Variants in JAKMIP3 observed in about 807,000 individuals in gnomAD.
JAKMIP3 encodes the protein janus kinase and microtubule-interacting protein 3.
A neutral mutation model predicts 118.5 loss-of-function variants in JAKMIP3; 58 were observed. That is an observed-to-expected ratio of 0.49 (90% CI 0.40 to 0.61). The LOEUF is 0.61. Ranked by LOEUF, JAKMIP3 falls within the 20% of genes least tolerant of loss-of-function variation. The pLI is 0.00. For synonymous variants in JAKMIP3, 486 were observed against 451.2 expected (o/e 1.08, Z -0.98); for missense variants, 950 against 1,109.0 (o/e 0.86, Z 2.04).
chr10:132,153,632 G>T lies in JAKMIP3; in HGVS notation c.2074-127G>T, dbSNP rs374502572. On this transcript the variant is annotated intron_variant, in intron 17 of 23. Coordinates refer to ENST00000684848, the MANE Select transcript of JAKMIP3 (RefSeq NM_001323087.2). Reference sequence around the variant, plus strand: ...GCCTCAACTCCCTGGAGAGGGCTGTGCTCTCCCCTCCCTAAGGAGAAGAGG... The same window carrying T: ...GCCTCAACTCCCTGGAGAGGGCTGTTCTCTCCCCTCCCTAAGGAGAAGAGG... 86 of 893,540 alleles carry T rather than the reference G, an allele frequency of 9.6e-5. No individual in the cohort carries two copies. In the East Asian group the frequency reaches 1.2e-3, roughly 13 times the overall value. 55.4% of individuals were successfully genotyped at this position (893,540 alleles called of 1,614,324 possible). A position where few individuals can be genotyped will look rare whatever the true frequency, so the allele number is the denominator to read the frequency against.
chr10:132,151,686 G>A (rs557212825), intron 16 of JAKMIP3, among the ~76,000 whole-genome samples: 1 of 152,324 alleles, frequency 6.6e-6, no homozygotes, highest in African/African-American at 2.4e-5. Flanking sequence ...CAGAGTTGGG[G>A]GTACCCAGCC....
At chr10:132,108,399 G>A (rs960557682) in intron 2 of JAKMIP3, among the ~76,000 whole-genome samples, 2 of 152,152 alleles carry the variant, frequency 1.3e-5, no homozygotes, top group African/African-American at 4.8e-5. Context: ...CATTAAAGGA[G>A]TTTCCAGGAG....
At position 132,179,792 on chromosome 10, in the gene JAKMIP3, C is replaced by T. The variant is rs541581880; in HGVS notation, c.*1104-2565C>T. On this transcript the variant is annotated intron_variant, in intron 23 of 23. Transcript: ENST00000684848. The surrounding 1 kb of genome is among the most constrained non-coding windows in gnomAD (Gnocchi z 4.3). ...ACAGCCACACCATGGCACAGCCACA[C>T]CATTATCGCAGCCCTATAATCGGGA... 5.9e-5 allele frequency among the ~76,000 whole-genome samples: 9 copies of T among 152,286 alleles called. No homozygotes were observed. In the South Asian group the frequency reaches 1.9e-3, roughly 32 times the overall value.
Position 132,168,076 on chromosome 10 carries a change from A to G in JAKMIP3, c.*146A>G, listed in dbSNP as rs2059133554. ...CTCTGCACGCCCGTCCCGTGGAGGAAGAGTGAGAAGGGGCAGTGTGTGGGG... is the reference window on the plus strand; with the variant it reads ...CTCTGCACGCCCGTCCCGTGGAGGAGGAGTGAGAAGGGGCAGTGTGTGGGG... On this transcript the variant is annotated 3_prime_UTR_variant, in exon 23 of 24. Transcript: ENST00000684848. 1.4e-5 allele frequency: 18 copies of G among 1,289,524 alleles called. No homozygotes were observed. The highest frequency in any genetic ancestry group is 1.8e-5 in the Non-Finnish European group (18 of 988,790). The allele number at this position is 1,289,524 out of a possible 1,614,324, so 79.9% of individuals were successfully genotyped here.
At chr10:132,174,092 GGTGGTGTGTTT>G (rs2059920373) in intron 23 of JAKMIP3, among the ~76,000 whole-genome samples, 2 of 151,694 alleles carry the variant, frequency 1.3e-5, no homozygotes. Flanking sequence ...GTGTGCTTGT[GGTGGTGTGTTT>G]GTGGTGTGTG....
intron 3 of JAKMIP3, among the ~76,000 whole-genome samples, chr10:132,130,837 C>T (rs557331874): frequency 6.6e-6 from 1 of 152,228 alleles, no homozygotes; most frequent in East Asian, 1.9e-4. Flanking sequence ...AGCAGGGAGG[C>T]TTATGAAATG....
Position 132,145,121 on chromosome 10 carries a change from A to G in JAKMIP3, c.1617A>G (p.Leu539=). The change falls in exon 12 of 24, where the codon CTA becomes CTG. Residue 539 remains leucine (L), a synonymous_variant. Transcript: ENST00000684848. ...CCGTCCTACAGACCCGTGAGCAGCT[A>G]CAAGCCGAAGTGCAGAGGGCACAGG... is the stretch of plus-strand genomic sequence containing the variant. ...AEREVKTREQ[L]QAEVQRAQAR... is the part of the protein sequence containing the mutation. 6.2e-7 allele frequency: 1 copy of G among 1,612,396 alleles called. No homozygotes were observed. Among genetic ancestry groups the G allele is most frequent in the South Asian group, 1.1e-5 (1 of 90,882 alleles).
At chr10:132,081,394 A>T (rs2134207148) in intron 1 of JAKMIP3, among the ~76,000 whole-genome samples, 1 of 152,334 alleles carries the variant, frequency 6.6e-6, no homozygotes, top group South Asian at 2.1e-4. Context: ...GGAGCAAGCT[A>T]TATTTTTCTG....
chr10:132,169,427 C>T (rs867126036), intron 23 of JAKMIP3, among the ~76,000 whole-genome samples: 7 of 152,216 alleles, frequency 4.6e-5, no homozygotes, highest in Non-Finnish European at 8.8e-5. Flanking sequence ...CACTCGGCCC[C>T]GGCACCTGAG....
chr10:132,098,004 C>CTTTCCCTCTCCT (rs1199956471), intron 1 of JAKMIP3, among the ~76,000 whole-genome samples: 1 of 49,192 alleles, frequency 2.0e-5, no homozygotes, highest in Non-Finnish European at 4.3e-5. Flanking sequence ...TCCCCTTCCC[C>CTTTCCCTCTCCT]TCCTTCCTTT....
At chr10:132,036,822 C>G (rs1198273442) in intron 1 of JAKMIP3, among the ~76,000 whole-genome samples, 4 of 151,706 alleles carry the variant, frequency 2.6e-5, no homozygotes, top group African/African-American at 9.7e-5. Context: ...ACGCGGGCGC[C>G]CTGGCGGCCG....
intron 1 of JAKMIP3, among the ~76,000 whole-genome samples, chr10:132,090,016 G>A (rs1253880213): frequency 1.1e-4 from 17 of 152,178 alleles, no homozygotes. Flanking sequence ...TACGTTTATT[G>A]ATTTGTGTGT....
intron 1 of JAKMIP3, among the ~76,000 whole-genome samples, chr10:132,050,202 G>C (rs958358641): frequency 2.9e-4 from 44 of 152,212 alleles, no homozygotes; most frequent in Admixed American, 2.9e-3. Context: ...TCTGAGCCGG[G>C]TTTGCCTCTC....
chr10:132,128,583 G>GT (rs1321657161), intron 3 of JAKMIP3, among the ~76,000 whole-genome samples: 2 of 152,024 alleles, frequency 1.3e-5, no homozygotes, highest in East Asian at 3.9e-4. Flanking sequence ...GCTCTATTCT[G>GT]TTTTATTTTT....
rs990497366 is a variant in JAKMIP3, at chr10:132,082,174, G to C, written c.-138+16113G>C. Among the ~76,000 whole-genome samples, 82 of 149,628 alleles carry C rather than the reference G, an allele frequency of 5.5e-4. 1 individual carries two copies. The highest frequency in any genetic ancestry group is 1.7e-3 in the African/African-American group (69 of 40,842). ...GACATTGGGCATTGTTTGTTTGGGG[G>C]GGGGGGCTGAATTTTTTTTTGCTTC... is the stretch of plus-strand genomic sequence containing the variant. On this transcript the variant is annotated intron_variant, in intron 1 of 23. Transcript: ENST00000684848.
intron 13 of JAKMIP3, among the ~76,000 whole-genome samples, chr10:132,147,487 C>G (rs1480053770): frequency 6.6e-6 from 1 of 152,228 alleles, no homozygotes; most frequent in African/African-American, 2.4e-5. Context: ...GGTACCCGCT[C>G]CTTCCATTGG....
chr10:132,102,893 C>G (rs1379775247), intron 1 of JAKMIP3, among the ~76,000 whole-genome samples: 1 of 151,724 alleles, frequency 6.6e-6, no homozygotes, highest in Non-Finnish European at 1.5e-5. Context: ...GGGCTGTGTT[C>G]ACCAGGCCGG....
At chr10:132,134,593 A>G (rs1205721990) in intron 4 of JAKMIP3, among the ~76,000 whole-genome samples, 1 of 152,154 alleles carries the variant, frequency 6.6e-6, no homozygotes, top group Non-Finnish European at 1.5e-5. Flanking sequence ...ATCGTACCAG[A>G]GAAATGCCGC....
intron 2 of JAKMIP3, among the ~76,000 whole-genome samples, chr10:132,113,296 G>A (rs1266318191): frequency 6.6e-6 from 1 of 152,238 alleles, no homozygotes; most frequent in African/African-American, 2.4e-5. Flanking sequence ...CTGATTGGGT[G>A]GAGAAGTGAT....
Sources: gnomAD v4.1 joint callset for allele counts (sites outside exome capture counted in the v4.1 genomes callset) on GRCh38, gnomAD v4.1.1 for gene constraint, Gnocchi (gnomAD v3.1) non-coding constraint, MANE v1.5 for transcripts, NCBI Gene and HGNC (gene_info 2026-07-23, HGNC 2026-07-21) for gene names.